The following SNX14 variants were observed in gnomAD, a reference collection of about 807,000 sequenced individuals.
SNX14 encodes sorting nexin 14.
Under a neutral mutation model 133.8 loss-of-function variants are expected in SNX14, and 93 were observed. The ratio of observed to expected loss-of-function variants is 0.70; its 90% CI spans 0.59 to 0.83. The LOEUF is 0.83. SNX14 is among the 40% of genes least tolerant of loss of function. The pLI is 0.00. For missense variants in SNX14, 945 were observed against 1,094.9 expected (o/e 0.86, Z 1.93); for synonymous variants, 368 against 365.6 (o/e 1.01, Z -0.07).
chr6:85,574,180 G>C (rs1200504910), intron 2 of SNX14, 78 bp downstream of exon 2: 16 of 1,141,468 alleles, frequency 1.4e-5, no homozygotes, highest in Non-Finnish European at 8.2e-6. Context: ...AAAATATACT[G>C]CTTTAGCAGG....
chr6:85,566,653 G>A (rs71570766), intron 5 of SNX14, among the ~76,000 whole-genome samples: 5,615 of 151,372 alleles, frequency 0.037, 155 homozygotes, highest in South Asian at 0.16. Flanking sequence ...AGCTGAGGTC[G>A]CGCCACTGCA....
At chr6:85,525,973 A>G (rs1368860096) in intron 21 of SNX14, among the ~76,000 whole-genome samples, 153 bp downstream of exon 21, 4 of 152,206 alleles carry the variant, frequency 2.6e-5, no homozygotes, top group Non-Finnish European at 4.4e-5. Context: ...AAATGGACAG[A>G]TTAAGGTCAG....
intron 4 of SNX14, 44 bp from the exon 5 acceptor site, chr6:85,567,621 T>C: frequency 7.6e-7 from 1 of 1,322,616 alleles, no homozygotes; most frequent in Non-Finnish European, 1.0e-6. Flanking sequence ...AATTAATTAG[T>C]TTTTGGAAAA....
intron 12 of SNX14, among the ~76,000 whole-genome samples, chr6:85,543,975 AATAC>A (rs1355369045): frequency 1.3e-5 from 2 of 152,014 alleles, no homozygotes; most frequent in African/African-American, 4.8e-5. Context: ...AAAATATGTA[AATAC>A]ATAAATACCA....
chr6:85,573,484 A>C (rs937531083), intron 2 of SNX14, among the ~76,000 whole-genome samples: 7 of 152,206 alleles, frequency 4.6e-5, no homozygotes, highest in African/African-American at 1.7e-4. Flanking sequence ...CATGTCAAAA[A>C]AATAAAAAGG....
chr6:85,577,959 A>G (rs1439125722), intron 1 of SNX14, among the ~76,000 whole-genome samples: 2 of 152,230 alleles, frequency 1.3e-5, no homozygotes, highest in Non-Finnish European at 1.5e-5. Flanking sequence ...CGGATTGAGG[A>G]GTGAGATGGA....
intron 17 of SNX14, among the ~76,000 whole-genome samples, chr6:85,534,105 T>G (rs975839859): frequency 1.3e-5 from 2 of 152,138 alleles, no homozygotes; most frequent in Non-Finnish European, 1.5e-5. Context: ...CCCAGGAGTT[T>G]GAGACTAGCC....
chr6:85,577,883 T>A (rs1797818285), intron 1 of SNX14, among the ~76,000 whole-genome samples: 1 of 152,078 alleles, frequency 6.6e-6, no homozygotes, highest in Non-Finnish European at 1.5e-5. Flanking sequence ...TGTCCATTAG[T>A]TTTCACAATA....
At chr6:85,508,320 TAAAA>T (rs765165360) in intron 26 of SNX14, 1,811 of 862,350 alleles carry the variant, frequency 2.1e-3, no homozygotes, top group East Asian at 3.9e-3. Flanking sequence ...AATGCTGCAG[TAAAA>T]AAAAAAAAAA....
Position 85,549,823 on chromosome 6 carries a change from G to A in SNX14, c.691C>T (p.His231Tyr), listed in dbSNP as rs749198650. 1 of 1,613,968 alleles carries A rather than the reference G, an allele frequency of 6.2e-7. No individual in the cohort carries two copies. The change falls in exon 8 of 29, where the codon CAT becomes TAT. Residue 231 changes from histidine to tyrosine, a missense_variant. By Grantham distance (83) the His-to-Tyr change is moderately conservative (BLOSUM62 2). Around this residue, in one of 3 missense-constraint regions of SNX14, gnomAD observed 514 missense variants for 538.8 expected, o/e 0.95. Coordinates refer to ENST00000314673, the MANE Select transcript of SNX14 (RefSeq NM_153816.6). Reference protein sequence around the residue: ...AALEEYGPELHVALRSRRDEL... With the variant: ...AALEEYGPELYVALRSRRDEL... The stretch of plus-strand genomic sequence containing the variant: ...TCTCTTCGACTTCTCAAAGCAACAT[G>A]AAGCTCTGGACCATATTCTTCTAAA...
rs1194666653 is a variant in SNX14 at position 85,567,422 on chromosome 6, A to G, written c.461+112T>C. On this transcript the variant is annotated intron_variant, in intron 5 of 28. Coordinates refer to ENST00000314673, the MANE Select transcript of SNX14 (RefSeq NM_153816.6). ...AATAATTATTTTGGCTAAAAGGTCA[A>G]CAATGACAAAGTTGAGAAATCCTGG... The G allele has an allele frequency of 7.5e-6, 6 of 804,580 alleles. No individual in the cohort carries two copies. The East Asian group carries it at 1.5e-4, about 20-fold the overall frequency. 49.8% of individuals were successfully genotyped at this position (804,580 alleles called of 1,614,324 possible).
intron 4 of SNX14, among the ~76,000 whole-genome samples, chr6:85,570,650 C>T (rs1349662636): frequency 1.3e-5 from 2 of 151,984 alleles, no homozygotes; most frequent in Non-Finnish European, 2.9e-5. Flanking sequence ...GTCAGGAGTT[C>T]GAGACCAGCC....
At chr6:85,541,046 T>A (rs1046941228) in intron 15 of SNX14, among the ~76,000 whole-genome samples, 1 of 150,810 alleles carries the variant, frequency 6.6e-6, no homozygotes, top group Non-Finnish European at 1.5e-5. Context: ...CAGGCTGGAG[T>A]GCAGTAGCAC....
chr6:85,583,731 C>T (rs549499463), intron 1 of SNX14, among the ~76,000 whole-genome samples: 6 of 152,162 alleles, frequency 3.9e-5, no homozygotes, highest in Admixed American at 2.0e-4. Context: ...CAAACCACTG[C>T]TCAAGGAAAT....
At chr6:85,525,838 TA>T (rs1026046810) in intron 21 of SNX14, among the ~76,000 whole-genome samples, 3 of 152,166 alleles carry the variant, frequency 2.0e-5, no homozygotes, top group Non-Finnish European at 4.4e-5. Flanking sequence ...TCGCATATGC[TA>T]AAAATACCAT....
At chr6:85,581,390 A>G (rs941858640) in intron 1 of SNX14, 3 of 152,256 alleles carry the variant, frequency 2.0e-5, no homozygotes, top group Non-Finnish European at 4.4e-5. Context: ...GGAAACAAAC[A>G]AGCCCAGAAT....
intron 22 of SNX14, 60 bp from the exon 23 acceptor site, chr6:85,517,935 C>T (rs1759926662): frequency 1.3e-6 from 2 of 1,570,102 alleles, no homozygotes; most frequent in Admixed American, 3.8e-5. Context: ...GTACATAATC[C>T]AGCAAAATTT....
chr6:85,538,887 T>C (rs548168258), intron 15 of SNX14, 23 bp from the exon 16 acceptor site: 1 of 1,578,590 alleles, frequency 6.3e-7, no homozygotes, highest in African/African-American at 1.4e-5. Context: ...GTATGTGAAA[T>C]AATATAAGGA....
chr6:85,533,879 A>G, intron 17 of SNX14, 79 bp from the exon 18 acceptor site: 1 of 1,073,286 alleles, frequency 9.3e-7, no homozygotes, highest in Non-Finnish European at 1.4e-6. Context: ...AGTATAAAGT[A>G]ATATGCCCAT....
Sources: allele counts gnomAD v4.1 joint callset (sites outside exome capture counted in the v4.1 genomes callset), GRCh38; gene constraint gnomAD v4.1.1; regional missense constraint gnomAD v4.1.1; transcripts MANE v1.5; gene names NCBI Gene and HGNC (gene_info 2026-07-23, HGNC 2026-07-21).